CFAP43: variants seen among roughly 807,000 people sequenced by gnomAD.
The protein encoded by CFAP43 is cilia and flagella associated protein 43.
A neutral mutation model predicts 218.9 loss-of-function variants in CFAP43; 155 were observed. The ratio of observed to expected loss-of-function variants is 0.71; its 90% confidence interval spans 0.62 to 0.81. The LOEUF (loss-of-function observed/expected upper bound fraction) is 0.81, where lower values mean the gene tolerates loss of function less well. Ranked by LOEUF, CFAP43 falls within the 30% of genes least tolerant of loss-of-function variation. CFAP43 has a pLI of 0.00. For missense variants in CFAP43, 1,778 were observed against 1,954.3 expected, an observed-to-expected ratio of 0.91 and a Z score of 1.70; for synonymous variants, 645 against 681.3, an observed-to-expected ratio of 0.95 and a Z score of 0.83.
intron 27 of CFAP43, among the ~76,000 whole-genome samples, chr10:104,155,823 G>A (rs666980): frequency 0.21 from 32,477 of 151,698 alleles, 4,091 homozygotes; most frequent in African/African-American, 0.35. Context: ...AGTTTGCTGG[G>A]TATCTGAGGA....
At chr10:104,218,386 T>C (rs2091081355) in intron 3 of CFAP43, among the ~76,000 whole-genome samples, 4 of 149,978 alleles carry the variant, frequency 2.7e-5, no homozygotes, top group Admixed American at 2.7e-4. Flanking sequence ...GAAATGCTTG[T>C]GTTTCCAAAA....
chr10:104,133,544 T>A lies in CFAP43; in HGVS notation c.4596+76A>T, dbSNP rs925814281. 5 of 1,443,362 alleles carry A rather than the reference T, an allele frequency of 3.5e-6. No individual in the cohort carries two copies. In the African/African-American group the frequency reaches 7.2e-5, roughly 21 times the overall value. The allele number at this position is 1,443,362 out of a possible 1,614,324, so 89.4% of individuals were successfully genotyped here. A position where few individuals can be genotyped will look rare whatever the true frequency, so the allele number is the denominator to read the frequency against. On this transcript the variant is annotated intron_variant, in intron 35 of 37. Coordinates refer to ENST00000357060, the MANE Select transcript of CFAP43 (RefSeq NM_025145.7). ...TATGCTTGATATCACAGAGGCTTCT[T>A]ATTAAATACTGGTTAAATGAATGAA...
At chr10:104,217,538 T>G (rs1352665233) in intron 3 of CFAP43, among the ~76,000 whole-genome samples, 1 of 152,206 alleles carries the variant, frequency 6.6e-6, no homozygotes, top group Non-Finnish European at 1.5e-5. Flanking sequence ...CCGGCACCCA[T>G]GTCTTTGCTA....
intron 19 of CFAP43, among the ~76,000 whole-genome samples, chr10:104,177,641 G>A (rs2089678933): frequency 6.6e-6 from 1 of 152,218 alleles, no homozygotes; most frequent in African/African-American, 2.4e-5. Context: ...GAAAAGGGAA[G>A]AGAGTCTTGG....
intron 2 of CFAP43, among the ~76,000 whole-genome samples, chr10:104,228,273 C>A (rs1213042029): frequency 6.6e-6 from 1 of 152,060 alleles, no homozygotes; most frequent in Non-Finnish European, 1.5e-5. Context: ...GTTGAATAAT[C>A]TATATTTTTT....
Position 104,164,155 on chromosome 10 carries a change from C to T in CFAP43, c.3185G>A (p.Trp1062Ter), listed in dbSNP as rs1263831062. 2 of 1,614,076 alleles carry T rather than the reference C, an allele frequency of 1.2e-6. No individual in the cohort carries two copies. Residue 1062 changes from tryptophan (W) to a stop codon, truncating the protein, a stop_gained, in exon 24 of 38, where the codon TGG becomes TAG. Coordinates refer to ENST00000357060, the MANE Select transcript of CFAP43 (RefSeq NM_025145.7). LOFTEE classifies it high-confidence loss of function. ...ILDLELEEAV[W>*]QPEFEDCEKP... is the part of the protein sequence containing the mutation. ...CTCACAGTCTTCAAATTCTGGTTGCCAGACTGCTTCTTCCAATTCCAGATC... is the reference window on the plus strand; with the variant it reads ...CTCACAGTCTTCAAATTCTGGTTGCTAGACTGCTTCTTCCAATTCCAGATC...
chr10:104,166,863 T>A, intron 22 of CFAP43, 145 bp from the exon 23 acceptor site: 1 of 674,166 alleles, frequency 1.5e-6, no homozygotes, highest in South Asian at 2.0e-5. Context: ...GATGAATAGA[T>A]CCCAGAACTG....
chr10:104,153,810 T>C (rs638357), intron 27 of CFAP43, among the ~76,000 whole-genome samples: 39,768 of 140,104 alleles, frequency 0.28, 7,757 homozygotes, highest in African/African-American at 0.58. Context: ...CCCCTGCCCC[T>C]CTGCCCCCTA....
intron 2 of CFAP43, among the ~76,000 whole-genome samples, chr10:104,226,577 G>A (rs1016402727): frequency 6.6e-6 from 1 of 151,760 alleles, no homozygotes; most frequent in Non-Finnish European, 1.5e-5. Flanking sequence ...AAAAAAAAGA[G>A]AGAAAAATAT....
At chr10:104,148,660 G>A (rs926875436) in intron 28 of CFAP43, among the ~76,000 whole-genome samples, 1 of 152,174 alleles carries the variant, frequency 6.6e-6, no homozygotes, top group Non-Finnish European at 1.5e-5. Flanking sequence ...CTGACCATGT[G>A]ATTTCTGCAC....
chr10:104,136,276 A>AG lies in CFAP43; in HGVS notation c.4432-2493_4432-2492insC, dbSNP rs1554856621. ...TCCATTTCAAAAAAAAAAAAAAAAA[A>AG]AAGAAGAAAAGAAAAGAAGAAAGAA... On this transcript the variant is annotated intron_variant, in intron 34 of 37. Coordinates refer to ENST00000357060, the MANE Select transcript of CFAP43 (RefSeq NM_025145.7). Among the ~76,000 whole-genome samples the AG allele has an allele frequency of 7.2e-4, 96 of 134,048 alleles. 1 individual carries two copies. The South Asian group carries it at 0.015, about 21-fold the overall frequency. The allele number at this position is 134,048 out of a possible 152,430, so 87.9% of individuals were successfully genotyped here. A position where few individuals can be genotyped will look rare whatever the true frequency, so the allele number is the denominator to read the frequency against.
intron 5 of CFAP43, among the ~76,000 whole-genome samples, chr10:104,211,652 G>C (rs1420089741): frequency 6.6e-6 from 1 of 152,100 alleles, no homozygotes; most frequent in African/African-American, 2.4e-5. Flanking sequence ...CGTCCTATCT[G>C]TGAGAATGAC....
intron 32 of CFAP43, 35 bp downstream of exon 32, chr10:104,143,391 C>A (rs1157324109): frequency 3.9e-6 from 6 of 1,553,156 alleles, no homozygotes; most frequent in Non-Finnish European, 5.3e-6. Context: ...GATATTAGTA[C>A]ACTAAAAATT....
intron 27 of CFAP43, among the ~76,000 whole-genome samples, chr10:104,155,538 G>T (rs974094479): frequency 7.2e-5 from 11 of 152,136 alleles, no homozygotes; most frequent in Non-Finnish European, 1.3e-4. Context: ...CATCTTGAAG[G>T]GGGTAGGGGA....
At position 104,166,512 on chromosome 10, in the gene CFAP43, T is replaced by C. The variant is rs1398941637; in HGVS notation, c.3015A>G (p.Lys1005=). The stretch of plus-strand genomic sequence containing the variant: ...CTTTCAATAATATAATTTGGTTGAT[T>C]TTCTCTTCTCTGGAATGAAGCTCCA... ...SQLELHSREE[K]INQIILLKDI... is the part of the protein sequence containing the mutation. The change falls in exon 23 of 38, where the codon AAA becomes AAG. Residue 1005 remains lysine, a synonymous_variant. Coordinates refer to ENST00000357060, the MANE Select transcript of CFAP43 (RefSeq NM_025145.7). The C allele has an allele frequency of 2.5e-6, 4 of 1,613,356 alleles. No homozygotes were observed. Among genetic ancestry groups the C allele is most frequent in the Non-Finnish European group, 3.4e-6 (4 of 1,179,796 alleles).
Position 104,132,109 on chromosome 10 carries a change from G to T in CFAP43, c.4677+7C>A. The T allele has an allele frequency of 6.3e-7, 1 of 1,587,874 alleles. No homozygotes were observed. Among genetic ancestry groups the T allele is most frequent in the Non-Finnish European group, 8.6e-7 (1 of 1,166,890 alleles). On this transcript the variant is annotated splice_region_variant and intron_variant, in intron 36 of 37. Coordinates refer to ENST00000357060, the MANE Select transcript of CFAP43 (RefSeq NM_025145.7). ...AGGATATAATAACCAACGTCTTTGA[G>T]ACTTACCTTATCTAAAACAGCAATG...
intron 27 of CFAP43, among the ~76,000 whole-genome samples, chr10:104,157,775 T>TGTGTGTGTGTGAGAGAGAGA (rs1484523345): frequency 1.1e-5 from 1 of 90,106 alleles, no homozygotes; most frequent in African/African-American, 5.0e-5. Flanking sequence ...TGTGTGTGTG[T>TGTGTGTGTGTGAGAGAGAGA]GAGAGAGAGA....
rs2134950037 is a variant in CFAP43 at position 104,203,895 on chromosome 10, T to A, written c.964-92A>T. ...GACAAGCTAAGGCTTATTGATTACT[T>A]CTACTGCTTATTTGGAATCATCATC... On this transcript the variant is annotated intron_variant, in intron 7 of 37. Coordinates refer to ENST00000357060, the MANE Select transcript of CFAP43 (RefSeq NM_025145.7). 3 of 1,126,914 alleles carry A rather than the reference T, an allele frequency of 2.7e-6. No individual in the cohort carries two copies. In the South Asian group the frequency reaches 6.9e-5, roughly 26 times the overall value. 69.8% of individuals were successfully genotyped at this position (1,126,914 alleles called of 1,614,324 possible). A position where few individuals can be genotyped will look rare whatever the true frequency, so the allele number is the denominator to read the frequency against.
At chr10:104,232,068 T>G (rs2091464160) in intron 1 of CFAP43, 114 bp downstream of exon 1, 2 of 1,237,320 alleles carry the variant, frequency 1.6e-6, no homozygotes, top group Admixed American at 2.4e-5. Flanking sequence ...GGGGAAGAGG[T>G]CGAAGCTGCG....
Sources: gnomAD v4.1 joint callset for allele counts (sites outside exome capture counted in the v4.1 genomes callset) on GRCh38, gnomAD v4.1.1 for gene constraint, MANE v1.5 for transcripts, NCBI Gene and HGNC (gene_info 2026-07-23, HGNC 2026-07-21) for gene names.